Variants in EIF5A2 observed in about 807,000 individuals in gnomAD.
The protein encoded by EIF5A2 is eukaryotic translation initiation factor 5A2.
In EIF5A2, 15 loss-of-function variants were observed where a neutral mutation model predicts 16.4. The observed-to-expected ratio is 0.92, with a 90% CI of 0.61 to 1.41. EIF5A2 has a LOEUF of 1.41. EIF5A2 is among the 40% of genes most tolerant of loss of function. The pLI is 0.00. For synonymous variants in EIF5A2, 48 were observed against 61.1 expected (o/e 0.79, Z 1.00); for missense variants, 144 against 189.5 (o/e 0.76, Z 1.41).
chr3:170,890,385 G>C lies in EIF5A2; in HGVS notation c.*2975C>G, dbSNP rs576097697. ...ATAGATATCATGCTCTGATGCAGGA[G>C]AGTTTTGGTAATTAACATAAAGCGC... On this transcript the variant is annotated 3_prime_UTR_variant, in exon 5 of 5. Coordinates refer to ENST00000295822, the MANE Select transcript of EIF5A2 (RefSeq NM_020390.6). 6.6e-6 allele frequency: 1 copy of C among 152,186 alleles called. No homozygotes were observed. The highest frequency in any genetic ancestry group is 2.1e-4 in the South Asian group (1 of 4,822). 9.4% of individuals were successfully genotyped at this position (152,186 alleles called of 1,614,324 possible).
chr3:170,895,849 T>G (rs78828689), intron 3 of EIF5A2, among the ~76,000 whole-genome samples: 2,728 of 152,254 alleles, frequency 0.018, 65 homozygotes, highest in African/African-American at 0.044. Context: ...AAAAAATATA[T>G]ATATTTTTAA....
At chr3:170,894,522 T>C in intron 3 of EIF5A2, 99 bp from the exon 4 acceptor site, 3 of 876,932 alleles carry the variant, frequency 3.4e-6, no homozygotes, top group Non-Finnish European at 5.1e-6. Flanking sequence ...TTCATATAAG[T>C]ATACAGTAAT....
At position 170,888,665 on chromosome 3, in the gene EIF5A2, A is replaced by G. The variant is rs894468521; in HGVS notation, c.*4695T>C. 1.3e-5 allele frequency: 2 copies of G among 152,600 alleles called. No homozygotes were observed. The highest frequency in any genetic ancestry group is 6.5e-5 in the Admixed American group (1 of 15,276). The allele number at this position is 152,600 out of a possible 1,614,324, so 9.5% of individuals were successfully genotyped here. A position where few individuals can be genotyped will look rare whatever the true frequency, so the allele number is the denominator to read the frequency against. ...ATTTGAGTTTCTGCAGGTAAAAGCAATAGTTCTCCTGTATCTAAGAAAAAA... is the reference window on the plus strand; with the variant it reads ...ATTTGAGTTTCTGCAGGTAAAAGCAGTAGTTCTCCTGTATCTAAGAAAAAA... On this transcript the variant is annotated 3_prime_UTR_variant, in exon 5 of 5. Coordinates refer to ENST00000295822, the MANE Select transcript of EIF5A2 (RefSeq NM_020390.6).
intron 3 of EIF5A2, 47 bp from the exon 4 acceptor site, chr3:170,894,470 T>G: frequency 1.3e-6 from 2 of 1,569,872 alleles, no homozygotes; most frequent in South Asian, 2.3e-5. Context: ...TTATATCCAC[T>G]TCTGTGTAAT....
At position 170,889,207 on chromosome 3, in the gene EIF5A2, T is replaced by A. The variant is rs1344169519; in HGVS notation, c.*4153A>T. 2 of 152,456 alleles carry A rather than the reference T, an allele frequency of 1.3e-5. No individual in the cohort carries two copies. Among genetic ancestry groups the A allele is most frequent in the Non-Finnish European group, 2.9e-5 (2 of 67,938 alleles). 9.4% of individuals were successfully genotyped at this position (152,456 alleles called of 1,614,324 possible). ...ATCTTTTACATAAGGAAAACATGCT[T>A]ATTAGATGTATACAGTACTTTTCAG... On this transcript the variant is annotated 3_prime_UTR_variant, in exon 5 of 5. Coordinates refer to ENST00000295822, the MANE Select transcript of EIF5A2 (RefSeq NM_020390.6).
chr3:170,901,562 CTTT>C (rs35685053), intron 3 of EIF5A2, among the ~76,000 whole-genome samples: 2 of 142,028 alleles, frequency 1.4e-5, no homozygotes, highest in Admixed American at 7.0e-5. Flanking sequence ...CAGGTGCCTT[CTTT>C]TTTTTTTTTT....
intron 3 of EIF5A2, among the ~76,000 whole-genome samples, chr3:170,898,063 T>C (rs1345526616): frequency 5.3e-5 from 8 of 152,220 alleles, no homozygotes; most frequent in Non-Finnish European, 8.8e-5. Flanking sequence ...CTGTAGCTCC[T>C]TTGTTTTGGC....
At chr3:170,903,977 T>C (rs1022935692) in intron 3 of EIF5A2, among the ~76,000 whole-genome samples, 8 of 152,346 alleles carry the variant, frequency 5.3e-5, no homozygotes, top group African/African-American at 1.9e-4. Flanking sequence ...CTGTAGTAAA[T>C]GCAGAAACGG....
At chr3:170,899,886 C>T (rs567368321) in intron 3 of EIF5A2, among the ~76,000 whole-genome samples, 31 of 151,836 alleles carry the variant, frequency 2.0e-4, no homozygotes, top group Admixed American at 4.6e-4. Context: ...TGGTCCTTTA[C>T]CTTTAAACAA....
In EIF5A2 at chr3:170,890,182, A is replaced by C. The variant is rs1004979010; in HGVS notation, c.*3178T>G. On this transcript the variant is annotated 3_prime_UTR_variant, in exon 5 of 5. Coordinates refer to ENST00000295822, the MANE Select transcript of EIF5A2 (RefSeq NM_020390.6). ...TGGAAAGTTGTAAATTTAAAAAAAA[A>C]AAGTTACCAACAGTTGAGGCACCAA... 5 of 152,200 alleles carry C rather than the reference A, an allele frequency of 3.3e-5. No individual in the cohort carries two copies. Among genetic ancestry groups the C allele is most frequent in the Non-Finnish European group, 7.4e-5 (5 of 67,980 alleles). The allele number at this position is 152,200 out of a possible 1,614,324, so 9.4% of individuals were successfully genotyped here.
At chr3:170,898,666 C>T (rs1576787664) in intron 3 of EIF5A2, among the ~76,000 whole-genome samples, 1 of 152,226 alleles carries the variant, frequency 6.6e-6, no homozygotes, top group East Asian at 1.9e-4. Flanking sequence ...TTCTTTATAG[C>T]AGTGTGAAAA....
At chr3:170,896,722 T>C (rs1386593459) in intron 3 of EIF5A2, among the ~76,000 whole-genome samples, 1 of 152,086 alleles carries the variant, frequency 6.6e-6, no homozygotes, top group Non-Finnish European at 1.5e-5. Context: ...ATACAGAAAA[T>C]TGGTACCAGG....
intron 3 of EIF5A2, among the ~76,000 whole-genome samples, chr3:170,895,483 G>A (rs1170085199): frequency 2.0e-5 from 3 of 152,044 alleles, no homozygotes; most frequent in African/African-American, 4.8e-5. Flanking sequence ...AGTATGCCTC[G>A]AATCCTAACA....
In EIF5A2 at chr3:170,897,510, G is replaced by T. The variant is rs190363643; in HGVS notation, c.271-3087C>A. On this transcript the variant is annotated intron_variant, in intron 3 of 4. Transcript: ENST00000295822. ...CTCCAGCTCCAGCTGTGGCTAAAAG[G>T]GGTCAAGGTACAGCTTGGGCTGTTG... Among the ~76,000 whole-genome samples, 218 of 152,328 alleles carry T rather than the reference G, an allele frequency of 1.4e-3. 2 individuals carry two copies. Among genetic ancestry groups the T allele is most frequent in the Admixed American group, 0.014 (209 of 15,300 alleles).
chr3:170,900,913 G>A (rs1400778050), intron 3 of EIF5A2, among the ~76,000 whole-genome samples: 1 of 152,180 alleles, frequency 6.6e-6, no homozygotes, highest in African/African-American at 2.4e-5. Context: ...CAATTAATAT[G>A]TTGAGGCAGT....
chr3:170,899,406 T>A (rs1712754623), intron 3 of EIF5A2, among the ~76,000 whole-genome samples: 2 of 152,042 alleles, frequency 1.3e-5, no homozygotes, highest in South Asian at 2.1e-4. Context: ...GGATTTTTTT[T>A]ATTTTTTATT....
chr3:170,896,905 G>C (rs1039278427), intron 3 of EIF5A2, among the ~76,000 whole-genome samples: 3 of 152,206 alleles, frequency 2.0e-5, no homozygotes, highest in African/African-American at 7.2e-5. Flanking sequence ...ACAATGATAT[G>C]GACAGTGAAG....
At chr3:170,900,366 C>CAAAAAAA (rs1168908597) in intron 3 of EIF5A2, among the ~76,000 whole-genome samples, 2 of 64,132 alleles carry the variant, frequency 3.1e-5, no homozygotes, top group African/African-American at 1.2e-4. Context: ...GACTCCATCT[C>CAAAAAAA]AAAAAAAAAA....
At chr3:170,901,669 T>C (rs1418448685) in intron 3 of EIF5A2, among the ~76,000 whole-genome samples, 1 of 151,674 alleles carries the variant, frequency 6.6e-6, no homozygotes, top group Non-Finnish European at 1.5e-5. Context: ...CTCGAACTCC[T>C]GATCTCGTGA....
Sources: gnomAD v4.1 joint callset for allele counts (sites outside exome capture counted in the v4.1 genomes callset) on GRCh38, gnomAD v4.1.1 for gene constraint, MANE v1.5 for transcripts, NCBI Gene and HGNC (gene_info 2026-07-23, HGNC 2026-07-21) for gene names.